SLCO4C1: variants seen among roughly 807,000 people sequenced by gnomAD.
SLCO4C1 encodes solute carrier organic anion transporter family member 4C1.
Under a neutral mutation model 72.1 loss-of-function variants are expected in SLCO4C1, and 58 were observed. That is an observed-to-expected ratio of 0.80 (90% confidence interval 0.65 to 1.00). The LOEUF (loss-of-function observed/expected upper bound fraction) is 1.00. Among genes scored for constraint, SLCO4C1 ranks in the 50% least tolerant of loss-of-function variants. The pLI is 0.00. For synonymous variants in SLCO4C1, 297 were observed against 312.5 expected (o/e 0.95, Z 0.52); for missense variants, 898 against 857.9 (o/e 1.05, Z -0.58).
At chr5:102,286,600 CA>C (rs1233654059) in intron 2 of SLCO4C1, among the ~76,000 whole-genome samples, 11 of 152,116 alleles carry the variant, frequency 7.2e-5, no homozygotes, top group Non-Finnish European at 1.5e-4. Flanking sequence ...TTAACTTGTA[CA>C]AAAAATTAGC....
chr5:102,273,846 T>A (rs1749198053), intron 2 of SLCO4C1, among the ~76,000 whole-genome samples: 1 of 152,140 alleles, frequency 6.6e-6, no homozygotes, highest in Non-Finnish European at 1.5e-5. Flanking sequence ...AGATTATTAG[T>A]TGAGGAAACC....
At chr5:102,269,385 G>T (rs544990674) in intron 3 of SLCO4C1, among the ~76,000 whole-genome samples, 14 of 151,320 alleles carry the variant, frequency 9.3e-5, no homozygotes, top group African/African-American at 2.9e-4. Context: ...TGTGTTGTTT[G>T]ACTGGGTTAT....
chr5:102,236,647 G>T lies in SLCO4C1; in HGVS notation c.*211C>A. On this transcript the variant is annotated 3_prime_UTR_variant, in exon 13 of 13. Transcript: ENST00000310954. ...GTGTGCTCGTGTGTGTGTGTGCTGT[G>T]TTTTGAGGCTTTACGTGGGCTTTGA... is the stretch of plus-strand genomic sequence containing the variant. 2.2e-6 allele frequency: 1 copy of T among 458,076 alleles called. No individual in the cohort carries two copies. The allele number at this position is 458,076 out of a possible 1,614,324, so 28.4% of individuals were successfully genotyped here.
chr5:102,267,124 G>GTAAT (rs1749056239), intron 3 of SLCO4C1, among the ~76,000 whole-genome samples: 1 of 152,114 alleles, frequency 6.6e-6, no homozygotes. Context: ...TGGCATCAGG[G>GTAAT]TAATACTGGT....
Position 102,234,426 on chromosome 5 carries a change from GCTCCTGA to G in SLCO4C1, c.*2425_*2431del, listed in dbSNP as rs1160730212. The G allele has an allele frequency of 1.3e-5, 2 of 152,420 alleles. No homozygotes were observed. The highest frequency in any genetic ancestry group is 2.9e-5 in the Non-Finnish European group (2 of 68,008). 9.4% of individuals were successfully genotyped at this position (152,420 alleles called of 1,614,324 possible). ...TAAAATATGTACCTTATATATAAAA[GCTCCTGA>G]CTCCTTTTAAGGACCAAAATTATTT... On this transcript the variant is annotated 3_prime_UTR_variant, in exon 13 of 13. Coordinates refer to ENST00000310954, the MANE Select transcript of SLCO4C1 (RefSeq NM_180991.5).
intron 12 of SLCO4C1, among the ~76,000 whole-genome samples, chr5:102,237,920 A>G (rs112281359): frequency 4.0e-4 from 61 of 152,334 alleles, no homozygotes; most frequent in African/African-American, 1.4e-3. Context: ...AAGTTCAGTT[A>G]TATGAAGAGA....
rs760067709 is a variant in SLCO4C1, at chr5:102,263,778, T to C, written c.805A>G (p.Thr269Ala). The C allele has an allele frequency of 1.1e-5, 17 of 1,610,658 alleles. No individual in the cohort carries two copies. Among genetic ancestry groups the C allele is most frequent in the Non-Finnish European group, 1.4e-5 (17 of 1,177,902 alleles). The change falls in exon 4 of 13, where the codon ACC (threonine) becomes GCC (alanine). Residue 269 changes from threonine (T) to alanine (A), a missense_variant and splice_region_variant. Thr to Ala is a moderately conservative substitution (Grantham distance 58, BLOSUM62 0). Transcript: ENST00000310954. ...PTHKSSLYIG[T>A]GYAMSILGPA... ...CCTAAGATTGACATAGCATAACCGG[T>C]TCCTAGAAGAAGAACAGAGACATTG...
intron 10 of SLCO4C1, among the ~76,000 whole-genome samples, chr5:102,245,862 C>T (rs1166426000): frequency 2.0e-5 from 3 of 151,692 alleles, no homozygotes; most frequent in Non-Finnish European, 4.4e-5. Flanking sequence ...CCACAATGGA[C>T]TAAAACAAGA....
At chr5:102,291,885 G>A (rs948477954) in intron 1 of SLCO4C1, among the ~76,000 whole-genome samples, 7 of 151,802 alleles carry the variant, frequency 4.6e-5, no homozygotes, top group Non-Finnish European at 8.8e-5. Flanking sequence ...GCAATGGCGC[G>A]ATCTCGGCTC....
chr5:102,245,108 T>C (rs1748613225), intron 10 of SLCO4C1, among the ~76,000 whole-genome samples: 1 of 152,118 alleles, frequency 6.6e-6, no homozygotes, highest in African/African-American at 2.4e-5. Flanking sequence ...TACAATAAGA[T>C]ATACATAGAA....
intron 10 of SLCO4C1, among the ~76,000 whole-genome samples, chr5:102,244,776 A>C (rs1748607514): frequency 1.3e-5 from 2 of 152,214 alleles, no homozygotes; most frequent in South Asian, 4.1e-4. Flanking sequence ...CTCTTACCTT[A>C]GAATAGTATA....
At chr5:102,261,360 G>C (rs574957381) in intron 5 of SLCO4C1, among the ~76,000 whole-genome samples, 5 of 151,958 alleles carry the variant, frequency 3.3e-5, no homozygotes, top group African/African-American at 1.2e-4. Flanking sequence ...TGCAGTGAGC[G>C]GAGATCGTGC....
intron 7 of SLCO4C1, 77 bp from the exon 8 acceptor site, chr5:102,257,387 A>G: frequency 8.7e-7 from 1 of 1,147,552 alleles, no homozygotes; most frequent in Non-Finnish European, 1.2e-6. Flanking sequence ...GAAAACATCA[A>G]AAACAAGTGT....
intron 10 of SLCO4C1, among the ~76,000 whole-genome samples, chr5:102,243,341 T>C (rs1387335803): frequency 6.6e-6 from 1 of 152,178 alleles, no homozygotes. Flanking sequence ...CCCCAGGTCC[T>C]TAAGCAAACA....
At chr5:102,238,722 C>A (rs578017736) in intron 12 of SLCO4C1, among the ~76,000 whole-genome samples, 1 of 152,210 alleles carries the variant, frequency 6.6e-6, no homozygotes, top group South Asian at 2.1e-4. Flanking sequence ...TTTACTTAAT[C>A]TTAATCTTGC....
At chr5:102,277,840 T>A in intron 2 of SLCO4C1, among the ~76,000 whole-genome samples, 1 of 150,766 alleles carries the variant, frequency 6.6e-6, no homozygotes, top group South Asian at 2.1e-4. Context: ...AAAAAAACAC[T>A]CAAAAAGTTA....
intron 3 of SLCO4C1, among the ~76,000 whole-genome samples, chr5:102,264,896 C>A (rs760349742): frequency 5.9e-5 from 9 of 151,944 alleles, no homozygotes; most frequent in Non-Finnish European, 1.0e-4. Context: ...TCTTCTGTGC[C>A]TGACTTGTTT....
intron 1 of SLCO4C1, among the ~76,000 whole-genome samples, chr5:102,294,825 A>C (rs1231529728): frequency 6.6e-6 from 1 of 152,202 alleles, no homozygotes; most frequent in African/African-American, 2.4e-5. Flanking sequence ...TAAGAACAAA[A>C]AGTATACTTA....
In SLCO4C1 at chr5:102,260,251, A is replaced by G. The variant is rs1748911389; in HGVS notation, c.1090T>C (p.Phe364Leu). ...HQSNSNADVK[F>L]GKSIKDFPAA... ...GGAAAATCTTTAATACTTTTTCCAA[A>G]TTTCACATCTGCATTACTATTACTC... Residue 364 changes from phenylalanine (F) to leucine (L), a missense_variant, in exon 6 of 13, where the codon TTT (phenylalanine) becomes CTT (leucine). Transcript: ENST00000310954. 7.1e-6 allele frequency: 10 copies of G among 1,403,950 alleles called. No homozygotes were observed. The highest frequency in any genetic ancestry group is 9.3e-6 in the Non-Finnish European group (10 of 1,069,820). 87.0% of individuals were successfully genotyped at this position (1,403,950 alleles called of 1,614,324 possible).
Sources: allele counts gnomAD v4.1 joint callset (sites outside exome capture counted in the v4.1 genomes callset), GRCh38; gene constraint gnomAD v4.1.1; transcripts MANE v1.5; gene names NCBI Gene and HGNC (gene_info 2026-07-23, HGNC 2026-07-21).